EYA4: variants seen among roughly 807,000 people sequenced by gnomAD.
EYA4 encodes the protein EYA transcriptional coactivator and phosphatase 4, also known as protein phosphatase EYA4.
EYA4 carries 31 observed loss-of-function variants against 87.9 expected under a neutral mutation model. The observed-to-expected ratio is 0.35, with a 90% CI of 0.27 to 0.48. EYA4 has a LOEUF of 0.48. EYA4 is among the 20% of genes least tolerant of loss of function. EYA4 has a pLI of 0.99. For missense variants in EYA4, 678 were observed against 761.4 expected, an observed-to-expected ratio of 0.89 and a Z score of 1.29; for synonymous variants, 263 against 270.6, an observed-to-expected ratio of 0.97 and a Z score of 0.28.
In EYA4 at chr6:133,284,951, G is replaced by A. The variant is rs138813391; in HGVS notation, c.33+10138G>A. Among the ~76,000 whole-genome samples the A allele has an allele frequency of 1.5e-4, 23 of 151,558 alleles. No individual in the cohort carries two copies. In the East Asian group the frequency reaches 4.3e-3, roughly 28 times the overall value. Reference sequence around the variant, plus strand: ...GGAGGAGGATAGGAAGTGCTTGCGGGCAGGGTAGGTAGGTGAAGGGACAGC... The same window carrying A: ...GGAGGAGGATAGGAAGTGCTTGCGGACAGGGTAGGTAGGTGAAGGGACAGC... On this transcript the variant is annotated intron_variant, in intron 2 of 19. Coordinates refer to ENST00000355286, the MANE Select transcript of EYA4 (RefSeq NM_004100.5).
intron 3 of EYA4, among the ~76,000 whole-genome samples, chr6:133,440,897 A>C (rs900742229): frequency 2.0e-5 from 3 of 152,132 alleles, no homozygotes; most frequent in Non-Finnish European, 4.4e-5. Context: ...ATCACATATA[A>C]CTTTATTTTT....
At position 133,404,241 on chromosome 6, in the gene EYA4, AC is replaced by A. The variant is rs527951315; in HGVS notation, c.83+21801del. Among the ~76,000 whole-genome samples the A allele has an allele frequency of 2.9e-3, 448 of 152,336 alleles. 2 individuals carry two copies. Among genetic ancestry groups the A allele is most frequent in the Middle Eastern group, 6.8e-3 (2 of 294 alleles). ...ATAAGAGAGAGATTAGACAAAAAAGACAAAGCACATCATCTCTTTTCTAATG... is the reference window on the plus strand; with the variant it reads ...ATAAGAGAGAGATTAGACAAAAAAGAAAAGCACATCATCTCTTTTCTAATG... On this transcript the variant is annotated intron_variant, in intron 3 of 19. Transcript: ENST00000355286.
intron 2 of EYA4, among the ~76,000 whole-genome samples, chr6:133,283,031 C>G (rs1777754436): frequency 6.6e-6 from 1 of 152,098 alleles, no homozygotes; most frequent in East Asian, 1.9e-4. Context: ...CAGTGGCTCA[C>G]TCCTGTAATC....
chr6:133,515,422 A>G lies in EYA4; in HGVS notation c.1603A>G (p.Ile535Val), dbSNP rs200300314. The G allele has an allele frequency of 4.7e-5, 74 of 1,575,676 alleles. No homozygotes were observed. Among genetic ancestry groups the G allele is most frequent in the Non-Finnish European group, 6.3e-5 (72 of 1,145,188 alleles). ...WLTNALKSLSIISTRSNCINV... is the reference protein window; with the variant it reads ...WLTNALKSLSVISTRSNCINV... ...AACAAATGCACTTAAGTCTTTATCA[A>G]TTATTAGCACTAGGTAAGTGGAATT... Residue 535 changes from isoleucine to valine, a missense_variant, in exon 17 of 20, where the codon ATT becomes GTT. Coordinates refer to ENST00000355286, the MANE Select transcript of EYA4 (RefSeq NM_004100.5).
At chr6:133,378,787 T>C (rs1443750554) in intron 2 of EYA4, among the ~76,000 whole-genome samples, 2 of 152,130 alleles carry the variant, frequency 1.3e-5, no homozygotes, top group Non-Finnish European at 2.9e-5. Flanking sequence ...CTTAAAATAG[T>C]TAAATATTTA....
At chr6:133,242,867 T>G (rs562352392) in intron 1 of EYA4, among the ~76,000 whole-genome samples, 537 of 152,292 alleles carry the variant, frequency 3.5e-3, no homozygotes, top group Non-Finnish European at 6.0e-3. Context: ...GATTTGCGCC[T>G]GGGGTGAGAG....
chr6:133,313,294 C>T (rs566798448), intron 2 of EYA4, among the ~76,000 whole-genome samples: 34 of 152,276 alleles, frequency 2.2e-4, no homozygotes, highest in African/African-American at 7.9e-4. Context: ...TGCCTCCTTC[C>T]TGAGGACTGA....
chr6:133,264,695 T>C (rs1776067319), intron 1 of EYA4, among the ~76,000 whole-genome samples: 1 of 152,208 alleles, frequency 6.6e-6, no homozygotes, highest in African/African-American at 2.4e-5. Flanking sequence ...TCCAGAGGTT[T>C]AGCGTTTCCA....
At position 133,456,560 on chromosome 6, in the gene EYA4, T is replaced by G; in HGVS notation, c.282T>G (p.Ser94=). The G allele has an allele frequency of 6.2e-7, 1 of 1,608,978 alleles. No individual in the cohort carries two copies. The highest frequency in any genetic ancestry group is 8.5e-7 in the Non-Finnish European group (1 of 1,175,354). The change falls in exon 6 of 20, where the codon TCT becomes TCG. Residue 94 remains serine (S), a synonymous_variant. Coordinates refer to ENST00000355286, the MANE Select transcript of EYA4 (RefSeq NM_004100.5). The part of the protein sequence containing the change: ...SCNTPSSATM[S]LLAVKTEPLN... Reference sequence around the variant, plus strand: ...TGTACTTATTCTTCTACGTAGTGTCTCTTCTTGCAGTCAAAACAGAGCCCT... The same window carrying G: ...TGTACTTATTCTTCTACGTAGTGTCGCTTCTTGCAGTCAAAACAGAGCCCT...
chr6:133,378,473 C>T (rs9389076), intron 2 of EYA4, among the ~76,000 whole-genome samples: 8 of 152,028 alleles, frequency 5.3e-5, no homozygotes, highest in South Asian at 4.1e-4. Flanking sequence ...AATATTAAGA[C>T]GTTTTGATCT....
At chr6:133,449,812 T>C (rs1254600731) in intron 5 of EYA4, among the ~76,000 whole-genome samples, 3 of 152,196 alleles carry the variant, frequency 2.0e-5, no homozygotes, top group Non-Finnish European at 2.9e-5. Flanking sequence ...TTAAGGAAAA[T>C]GAAAATATGC....
chr6:133,272,790 T>C (rs770367829), intron 1 of EYA4, among the ~76,000 whole-genome samples: 17 of 152,170 alleles, frequency 1.1e-4, no homozygotes, highest in Non-Finnish European at 2.2e-4. Flanking sequence ...TTGCAGAGCC[T>C]TCTCCTGTTC....
At chr6:133,252,395 A>T (rs1774979433) in intron 1 of EYA4, among the ~76,000 whole-genome samples, 1 of 152,240 alleles carries the variant, frequency 6.6e-6, no homozygotes, top group South Asian at 2.1e-4. Context: ...GTACAGCTAG[A>T]AGAAAGTAAA....
chr6:133,480,623 A>C (rs929864156), intron 11 of EYA4, among the ~76,000 whole-genome samples: 1 of 152,194 alleles, frequency 6.6e-6, no homozygotes, highest in Non-Finnish European at 1.5e-5. Context: ...CGGATATAAC[A>C]TGAATATATT....
At chr6:133,356,304 A>G (rs1249134424) in intron 2 of EYA4, among the ~76,000 whole-genome samples, 1 of 152,130 alleles carries the variant, frequency 6.6e-6, no homozygotes, top group Non-Finnish European at 1.5e-5. Context: ...ACCAACATTA[A>G]AGTCAAGAGT....
chr6:133,505,521 C>G (rs1404377726), intron 13 of EYA4, among the ~76,000 whole-genome samples: 1 of 152,142 alleles, frequency 6.6e-6, no homozygotes, highest in Non-Finnish European at 1.5e-5. Flanking sequence ...AAACTCTACA[C>G]ATGTTTGGAT....
chr6:133,304,280 T>C (rs945598288), intron 2 of EYA4, among the ~76,000 whole-genome samples: 1 of 152,160 alleles, frequency 6.6e-6, no homozygotes, highest in Non-Finnish European at 1.5e-5. Flanking sequence ...AACATTAACA[T>C]ATTATTTTAA....
intron 2 of EYA4, among the ~76,000 whole-genome samples, chr6:133,294,023 T>TTATATATATA (rs71771244): frequency 0.019 from 1,501 of 78,226 alleles, 47 homozygotes; most frequent in Non-Finnish European, 0.025. Context: ...TAGGGTGATT[T>TTATATATATA]TATATATATA....
At chr6:133,442,254 C>T (rs574896517) in intron 3 of EYA4, among the ~76,000 whole-genome samples, 78 of 152,050 alleles carry the variant, frequency 5.1e-4, no homozygotes, top group African/African-American at 1.6e-3. Flanking sequence ...AAATCAATAG[C>T]GATTGAAGCA....
Sources: allele counts gnomAD v4.1 joint callset (sites outside exome capture counted in the v4.1 genomes callset), GRCh38; gene constraint gnomAD v4.1.1; transcripts MANE v1.5; gene names NCBI Gene and HGNC (gene_info 2026-07-23, HGNC 2026-07-21).